ACSS1: variants seen among roughly 807,000 people sequenced by gnomAD.
ACSS1 encodes acyl-CoA synthetase short chain family member 1.
Under a neutral mutation model 75.3 loss-of-function variants are expected in ACSS1, and 42 were observed. That is an observed-to-expected ratio of 0.56 (90% CI 0.44 to 0.72). ACSS1 has a LOEUF of 0.72. ACSS1 is among the 30% of genes least tolerant of loss of function. ACSS1 has a pLI of 0.00. For synonymous variants in ACSS1, 380 were observed against 376.8 expected (o/e 1.01, Z -0.10); for missense variants, 782 against 935.7 (o/e 0.84, Z 2.14).
chr20:25,033,265 A>T (rs188336387), intron 2 of ACSS1, among the ~76,000 whole-genome samples: 2 of 152,348 alleles, frequency 1.3e-5, no homozygotes, highest in Admixed American at 1.3e-4. Context: ...GATGAAATTT[A>T]GTCCCTGTTC....
chr20:25,058,049 T>C lies in ACSS1; in HGVS notation c.54A>G (p.Arg18=), dbSNP rs2089271024. 1 of 1,334,596 alleles carries C rather than the reference T, an allele frequency of 7.5e-7. No individual in the cohort carries two copies. Among genetic ancestry groups the C allele is most frequent in the Non-Finnish European group, 9.5e-7 (1 of 1,049,598 alleles). 82.7% of individuals were successfully genotyped at this position (1,334,596 alleles called of 1,614,324 possible). Residue 18 remains arginine, a synonymous_variant, in exon 1 of 14, where the codon CGA becomes CGG. Coordinates refer to ENST00000323482, the MANE Select transcript of ACSS1 (RefSeq NM_032501.4). ...RGVGRLLGSL[R]GLSGQPARPP... The stretch of plus-strand genomic sequence containing the variant: ...GCCGCGCGGGCTGCCCCGAGAGCCC[T>C]CGCAGGCTGCCCAGCAGCCTCCCGA...
At position 25,032,787 on chromosome 20, in the gene ACSS1, G is replaced by A. The variant is rs143935725; in HGVS notation, c.432-1829C>T. 6.8e-4 allele frequency: 556 copies of A among 812,910 alleles called. 1 individual carries two copies. In the African/African-American group the frequency reaches 9.7e-3, roughly 14 times the overall value. The allele number at this position is 812,910 out of a possible 1,614,324, so 50.4% of individuals were successfully genotyped here. A position where few individuals can be genotyped will look rare whatever the true frequency, so the allele number is the denominator to read the frequency against. On this transcript the variant is annotated intron_variant, in intron 2 of 13. Transcript: ENST00000323482. Reference sequence around the variant, plus strand: ...TGAGCTGTCCGCATCACAGGCAGGGGCCTCAAGGAGGCCTTTGTTTCTTCC... The same window carrying A: ...TGAGCTGTCCGCATCACAGGCAGGGACCTCAAGGAGGCCTTTGTTTCTTCC...
chr20:25,052,508 C>T (rs755298441), intron 1 of ACSS1, among the ~76,000 whole-genome samples: 8 of 152,220 alleles, frequency 5.3e-5, no homozygotes, highest in Non-Finnish European at 8.8e-5. Flanking sequence ...GACTGTGTCC[C>T]TAAGATTCCT....
At chr20:25,027,933 TAC>T (rs1332541460) in intron 3 of ACSS1, among the ~76,000 whole-genome samples, 16 of 152,234 alleles carry the variant, frequency 1.1e-4, no homozygotes. Context: ...ATTTGCAATA[TAC>T]AAGATCACTA....
At chr20:25,039,563 G>A (rs1241705786) in intron 2 of ACSS1, among the ~76,000 whole-genome samples, 3 of 152,222 alleles carry the variant, frequency 2.0e-5, no homozygotes, top group East Asian at 3.8e-4. Context: ...AGGGCCGAGG[G>A]TGGGTGTGGA....
At chr20:25,043,458 G>C (rs981878912) in intron 2 of ACSS1, among the ~76,000 whole-genome samples, 3 of 152,224 alleles carry the variant, frequency 2.0e-5, no homozygotes, top group Non-Finnish European at 4.4e-5. Context: ...GCACAGCCCT[G>C]CAGGCCTCCG....
intron 6 of ACSS1, 122 bp from the exon 7 acceptor site, chr20:25,020,269 G>T: frequency 7.2e-7 from 1 of 1,395,338 alleles, no homozygotes. Context: ...CCATATGAAA[G>T]GGATCCCCCC....
chr20:25,012,504 T>C, intron 12 of ACSS1, 97 bp downstream of exon 12: 1 of 1,445,368 alleles, frequency 6.9e-7, no homozygotes, highest in Non-Finnish European at 9.7e-7. Context: ...CAGTATCCCC[T>C]ATCACTCCAC....
rs113657922 is a variant in ACSS1 at position 25,016,775 on chromosome 20, C to A, written c.1247-1545G>T. Reference sequence around the variant, plus strand: ...ACCACACAAGCCAGGGTAATCCCCACGGCAAAGCAGGTCCGTGTGGAAAAA... The same window carrying A: ...ACCACACAAGCCAGGGTAATCCCCAAGGCAAAGCAGGTCCGTGTGGAAAAA... On this transcript the variant is annotated intron_variant, in intron 7 of 13. Coordinates refer to ENST00000323482, the MANE Select transcript of ACSS1 (RefSeq NM_032501.4). Among the ~76,000 whole-genome samples the A allele has an allele frequency of 1.8e-3, 269 of 152,320 alleles. 1 individual carries two copies. The highest frequency in any genetic ancestry group is 3.4e-3 in the Middle Eastern group (1 of 294).
chr20:25,009,721 A>G (rs1807464691), intron 12 of ACSS1: 1 of 249,232 alleles, frequency 4.0e-6, no homozygotes, highest in Middle Eastern at 1.4e-3. Context: ...AATAACCCAT[A>G]ATGTGGTTTG....
At chr20:25,014,751 C>T (rs1260067146) in intron 8 of ACSS1, among the ~76,000 whole-genome samples, 2 of 152,298 alleles carry the variant, frequency 1.3e-5, no homozygotes, top group East Asian at 1.9e-4. Context: ...GAAGATGGGG[C>T]CTGTCTCATC....
Position 25,009,459 on chromosome 20 carries a change from A to G in ACSS1, c.1772-71T>C, listed in dbSNP as rs1235934871. On this transcript the variant is annotated intron_variant, in intron 12 of 13. Coordinates refer to ENST00000323482, the MANE Select transcript of ACSS1 (RefSeq NM_032501.4). ...GAGCCAACTCCCGAGGCAGGGTGCT[A>G]TGCACAGACTGCCAGAAATCCGAAG... is the stretch of plus-strand genomic sequence containing the variant. 6 of 1,239,230 alleles carry G rather than the reference A, an allele frequency of 4.8e-6. No individual in the cohort carries two copies. In the African/African-American group the frequency reaches 6.0e-5, roughly 12 times the overall value. 76.8% of individuals were successfully genotyped at this position (1,239,230 alleles called of 1,614,324 possible). A position where few individuals can be genotyped will look rare whatever the true frequency, so the allele number is the denominator to read the frequency against.
chr20:25,039,866 C>T (rs7268879), intron 2 of ACSS1, among the ~76,000 whole-genome samples: 2,209 of 152,320 alleles, frequency 0.015, 52 homozygotes, highest in African/African-American at 0.05. Context: ...CTTTCCCTTC[C>T]AGACACAAAG....
intron 13 of ACSS1, among the ~76,000 whole-genome samples, chr20:25,008,908 G>A (rs1381057290): frequency 6.6e-6 from 1 of 152,140 alleles, no homozygotes; most frequent in African/African-American, 2.4e-5. Context: ...GTGGAAGCCT[G>A]CCTAGGTGAA....
chr20:25,050,888 G>A (rs917860311), intron 1 of ACSS1, among the ~76,000 whole-genome samples: 7 of 152,152 alleles, frequency 4.6e-5, no homozygotes, highest in African/African-American at 1.7e-4. Flanking sequence ...AGGTGCGGCT[G>A]GGTGGCCCGT....
intron 13 of ACSS1, among the ~76,000 whole-genome samples, chr20:25,008,289 C>G (rs561332937): frequency 1.5e-4 from 23 of 152,360 alleles, no homozygotes; most frequent in African/African-American, 5.5e-4. Flanking sequence ...TCTCCATTCT[C>G]TGGCCTGGGA....
chr20:25,047,660 C>T (rs779561534), intron 2 of ACSS1, among the ~76,000 whole-genome samples: 4 of 152,100 alleles, frequency 2.6e-5, no homozygotes, highest in East Asian at 1.9e-4. Flanking sequence ...TTCAGGCAAA[C>T]GGGGTTTGCA....
intron 1 of ACSS1, among the ~76,000 whole-genome samples, chr20:25,053,157 G>A (rs993464083): frequency 1.4e-5 from 2 of 146,220 alleles, no homozygotes; most frequent in African/African-American, 5.2e-5. Context: ...TCCACCTCCT[G>A]GGCTCAAGGG....
chr20:25,026,425 G>A (rs1417541302), intron 3 of ACSS1, among the ~76,000 whole-genome samples: 1 of 152,136 alleles, frequency 6.6e-6, no homozygotes, highest in Non-Finnish European at 1.5e-5. Context: ...TTGGAGCCAT[G>A]TGCTGCCATG....
Sources: allele counts gnomAD v4.1 joint callset (sites outside exome capture counted in the v4.1 genomes callset), GRCh38; gene constraint gnomAD v4.1.1; transcripts MANE v1.5; gene names NCBI Gene and HGNC (gene_info 2026-07-23, HGNC 2026-07-21).